NRG3: variants seen among roughly 807,000 people sequenced by gnomAD.
The protein encoded by NRG3 is pro-neuregulin-3, membrane-bound isoform.
In NRG3, 31 loss-of-function variants were observed where a neutral mutation model predicts 66.9. That is an observed-to-expected ratio of 0.46 (90% CI 0.35 to 0.63). The LOEUF (loss-of-function observed/expected upper bound fraction) is 0.63, where lower values mean the gene tolerates loss of function less well. Ranked by LOEUF, NRG3 falls within the 20% of genes least tolerant of loss-of-function variation. NRG3 has a pLI of 0.00. For missense variants in NRG3, 910 were observed against 878.9 expected, an observed-to-expected ratio of 1.04 and a Z score of -0.45; for synonymous variants, 393 against 359.4, an observed-to-expected ratio of 1.09 and a Z score of -1.06.
chr10:82,649,852 G>A (rs751181227), intron 2 of NRG3, among the ~76,000 whole-genome samples: 4 of 152,082 alleles, frequency 2.6e-5, no homozygotes, highest in Admixed American at 6.6e-5. Context: ...TGGAATTTGG[G>A]TGGACTGATT....
At chr10:82,378,911 G>A (rs1343212090) in intron 2 of NRG3, among the ~76,000 whole-genome samples, 4 of 152,028 alleles carry the variant, frequency 2.6e-5, no homozygotes, top group African/African-American at 9.7e-5. Context: ...TCTATGGCCT[G>A]GTGTGCTATA....
At chr10:82,583,235 C>G (rs1206193728) in intron 2 of NRG3, among the ~76,000 whole-genome samples, 1 of 152,034 alleles carries the variant, frequency 6.6e-6, no homozygotes, top group Non-Finnish European at 1.5e-5. Context: ...CTCAGTTTTA[C>G]AAAACAATCA....
chr10:82,756,313 C>T (rs962507987), intron 3 of NRG3, among the ~76,000 whole-genome samples: 1 of 152,102 alleles, frequency 6.6e-6, no homozygotes, highest in African/African-American at 2.4e-5. Context: ...CTGACTAATT[C>T]TGTTTGGGGT....
intron 2 of NRG3, among the ~76,000 whole-genome samples, chr10:82,565,319 G>A (rs957001367): frequency 1.3e-5 from 2 of 151,974 alleles, no homozygotes; most frequent in Admixed American, 6.6e-5. Flanking sequence ...GTTCTGACTT[G>A]GCCTTGTACA....
chr10:82,008,583 A>G (rs1434556036), intron 1 of NRG3, among the ~76,000 whole-genome samples: 1 of 152,220 alleles, frequency 6.6e-6, no homozygotes, highest in African/African-American at 2.4e-5. Context: ...ATGTTGGTAC[A>G]GAGCTATTCA....
chr10:82,121,061 A>G (rs1199847012), intron 1 of NRG3, among the ~76,000 whole-genome samples: 1 of 152,142 alleles, frequency 6.6e-6, no homozygotes, highest in Non-Finnish European at 1.5e-5. Context: ...TGTCTCCATC[A>G]TTCCAGTTAC....
intron 2 of NRG3, among the ~76,000 whole-genome samples, chr10:82,599,512 G>C (rs2047485499): frequency 6.6e-6 from 1 of 152,064 alleles, no homozygotes; most frequent in South Asian, 2.1e-4. Flanking sequence ...AGAATACTTA[G>C]AGACTATAAA....
intron 4 of NRG3, among the ~76,000 whole-genome samples, chr10:82,868,849 C>T (rs992755366): frequency 7.2e-5 from 11 of 152,172 alleles, no homozygotes; most frequent in East Asian, 3.9e-4. Flanking sequence ...CCTGCCACCA[C>T]GCTCAACTAA....
intron 2 of NRG3, among the ~76,000 whole-genome samples, chr10:82,585,396 C>T (rs2046611192): frequency 6.6e-6 from 1 of 152,134 alleles, no homozygotes. Flanking sequence ...AGTTTAGGTT[C>T]ATGAACGAGT....
rs546336151 is a variant in NRG3 at position 81,894,707 on chromosome 10, C to T, written c.823+18544C>T. 4.6e-5 allele frequency among the ~76,000 whole-genome samples: 7 copies of T among 152,262 alleles called. No individual in the cohort carries two copies. The East Asian group carries it at 5.8e-4, about 13-fold the overall frequency. ...GTGTAGACAGTGCATGGAGACTGCCCTCCCCGCTGCTACCCCACATCCTGA... is the reference window on the plus strand; with the variant it reads ...GTGTAGACAGTGCATGGAGACTGCCTTCCCCGCTGCTACCCCACATCCTGA... On this transcript the variant is annotated intron_variant, in intron 1 of 8. Coordinates refer to ENST00000372141, the MANE Select transcript of NRG3 (RefSeq NM_001010848.4).
intron 2 of NRG3, among the ~76,000 whole-genome samples, chr10:82,360,441 A>C (rs1016417343): frequency 1.3e-5 from 2 of 152,234 alleles, no homozygotes; most frequent in African/African-American, 4.8e-5. Flanking sequence ...GAAGGGATGA[A>C]TCAGAAGCAT....
intron 1 of NRG3, among the ~76,000 whole-genome samples, chr10:81,958,156 G>T (rs1020370540): frequency 1.3e-5 from 2 of 152,120 alleles, no homozygotes; most frequent in Non-Finnish European, 1.5e-5. Context: ...TGATAGAATG[G>T]CCACATCCTG....
At chr10:82,941,059 A>G (rs1217359832) in intron 4 of NRG3, among the ~76,000 whole-genome samples, 1 of 152,142 alleles carries the variant, frequency 6.6e-6, no homozygotes, top group Non-Finnish European at 1.5e-5. Flanking sequence ...TGTAAAAGAC[A>G]TGGAGCCTTT....
At chr10:82,773,599 A>G (rs2059793325) in intron 3 of NRG3, among the ~76,000 whole-genome samples, 1 of 152,066 alleles carries the variant, frequency 6.6e-6, no homozygotes, top group Non-Finnish European at 1.5e-5. Flanking sequence ...ATATAGATCC[A>G]TTTATTTATT....
intron 1 of NRG3, among the ~76,000 whole-genome samples, chr10:82,154,715 C>A (rs1025170419): frequency 2.0e-5 from 3 of 151,588 alleles, no homozygotes; most frequent in African/African-American, 7.3e-5. Context: ...GGATTTCTTT[C>A]TGTTTGTACA....
At chr10:82,265,583 T>C (rs1179926975) in intron 1 of NRG3, among the ~76,000 whole-genome samples, 1 of 152,178 alleles carries the variant, frequency 6.6e-6, no homozygotes, top group East Asian at 1.9e-4. Flanking sequence ...CGATGAGTTC[T>C]GAAGTATGAT....
chr10:82,645,850 AT>A (rs1233400589), intron 2 of NRG3, among the ~76,000 whole-genome samples: 1 of 151,028 alleles, frequency 6.6e-6, no homozygotes, highest in African/African-American at 2.4e-5. Flanking sequence ...TTTAATTTTT[AT>A]TTTTTTTCCT....
In NRG3 at chr10:82,985,685, ATTAAT is replaced by A. The variant is rs1298871692; in HGVS notation, c.*85_*89del. The A allele has an allele frequency of 5.5e-6, 8 of 1,448,076 alleles. No homozygotes were observed. The highest frequency in any genetic ancestry group is 7.4e-6 in the Non-Finnish European group (8 of 1,078,012). 89.7% of individuals were successfully genotyped at this position (1,448,076 alleles called of 1,614,324 possible). A position where few individuals can be genotyped will look rare whatever the true frequency, so the allele number is the denominator to read the frequency against. ...AATCAAATACAAATTATTTATATGC[ATTAAT>A]TTAAGAGCATCTACTTAGAAGAAAC... On this transcript the variant is annotated 3_prime_UTR_variant, in exon 9 of 9. Transcript: ENST00000372141.
At chr10:82,679,529 T>C (rs2053958152) in intron 2 of NRG3, among the ~76,000 whole-genome samples, 1 of 152,216 alleles carries the variant, frequency 6.6e-6, no homozygotes, top group Admixed American at 6.5e-5. Context: ...CATTTAAGTC[T>C]CATGATGACT....
Sources: gnomAD v4.1 joint callset for allele counts (sites outside exome capture counted in the v4.1 genomes callset) on GRCh38, gnomAD v4.1.1 for gene constraint, MANE v1.5 for transcripts, NCBI Gene and HGNC (gene_info 2026-07-23, HGNC 2026-07-21) for gene names.